CLCN4: variants seen among roughly 807,000 people sequenced by gnomAD.
The protein encoded by CLCN4 is H(+)/Cl(-) exchange transporter 4.
Under a neutral mutation model 41.7 loss-of-function variants are expected in CLCN4, and 1 was observed. The ratio of observed to expected loss-of-function variants is 0.02; its 90% CI spans 0.01 to 0.11. CLCN4 has a LOEUF of 0.11. Ranked by LOEUF, CLCN4 falls within the 10% of genes least tolerant of loss-of-function variation. The pLI, the probability that CLCN4 is intolerant of heterozygous loss-of-function variation, is 1.00. For missense variants in CLCN4, 287 were observed against 661.0 expected (o/e 0.43, Z 6.20); for synonymous variants, 277 against 285.8 (o/e 0.97, Z 0.31).
chrX:10,163,925 A>G (rs1244080981), intron 2 of CLCN4, among the ~76,000 whole-genome samples: 2 of 112,715 alleles, frequency 1.8e-5, no homozygotes. Flanking sequence ...GTCTCTAGAC[A>G]TGGCCAAATG....
chrX:10,215,577 A>G (rs1924683808), intron 11 of CLCN4, among the ~76,000 whole-genome samples: 2 of 111,935 alleles, frequency 1.8e-5, no homozygotes, highest in African/African-American at 6.5e-5. Flanking sequence ...GGTTTGTTTA[A>G]AAATACTGTA....
chrX:10,162,311 G>A (rs181491028), intron 2 of CLCN4, among the ~76,000 whole-genome samples: 15 of 111,381 alleles, frequency 1.3e-4, no homozygotes, highest in Non-Finnish European at 7.5e-5. Context: ...GAGCCACCAC[G>A]CCTGGCCGCA....
chrX:10,167,328 G>A (rs922775697), intron 2 of CLCN4, among the ~76,000 whole-genome samples: 5 of 111,715 alleles, frequency 4.5e-5, no homozygotes, highest in East Asian at 5.6e-4. Flanking sequence ...AAAGGTGCCC[G>A]CATTTTAAAA....
chrX:10,188,963 C>G (rs2053615380), intron 4 of CLCN4, among the ~76,000 whole-genome samples: 1 of 112,018 alleles, frequency 8.9e-6, no homozygotes, highest in Non-Finnish European at 1.9e-5. Flanking sequence ...CAGATGCTGT[C>G]TGTCCGTTTC....
chrX:10,206,030 T>A (rs1602156101), intron 6 of CLCN4, among the ~76,000 whole-genome samples: 1 of 111,088 alleles, frequency 9.0e-6, no homozygotes, highest in Non-Finnish European at 1.9e-5. Flanking sequence ...ACAGTTAACA[T>A]CAATAGGTAC....
chrX:10,179,277 T>C (rs1237338520), intron 2 of CLCN4, among the ~76,000 whole-genome samples: 6 of 111,411 alleles, frequency 5.4e-5, no homozygotes, highest in African/African-American at 2.0e-4. Flanking sequence ...TGCCATGTAC[T>C]GGGCTGAAGG....
At chrX:10,204,993 G>A (rs772896511) in intron 6 of CLCN4, among the ~76,000 whole-genome samples, 6 of 111,080 alleles carry the variant, frequency 5.4e-5, no homozygotes, top group South Asian at 7.6e-4. Context: ...AAAGTGTGAC[G>A]AGGCAGAGGA....
At chrX:10,169,500 AAAACAAACAAAC>A (rs751888999) in intron 2 of CLCN4, among the ~76,000 whole-genome samples, 1 of 109,619 alleles carries the variant, frequency 9.1e-6, no homozygotes, top group Non-Finnish European at 1.9e-5. Flanking sequence ...TGAATTCAGA[AAAACAAACAAAC>A]AAACAAACAA....
chrX:10,196,538 C>CTTTTTTTTTT (rs141362799), intron 5 of CLCN4, among the ~76,000 whole-genome samples: 8 of 80,897 alleles, frequency 9.9e-5, no homozygotes, highest in African/African-American at 1.5e-4. Flanking sequence ...CCCTTCCCCA[C>CTTTTTTTTTT]TTTTTTTTTT....
At position 10,194,958 on chromosome X, in the gene CLCN4, C is replaced by G; in HGVS notation, c.292C>G (p.Leu98Val). 3 of 1,211,566 alleles carry G rather than the reference C, an allele frequency of 2.5e-6. No individual in the cohort carries two copies. The highest frequency in any genetic ancestry group is 3.4e-6 in the Non-Finnish European group (3 of 895,406). Residue 98 changes from leucine to valine, a missense_variant, in exon 5 of 13, where the codon CTG (leucine) becomes GTG (valine). Physicochemically the swap from Leu to Val is conservative, Grantham distance 32. Coordinates refer to ENST00000380833, the MANE Select transcript of CLCN4 (RefSeq NM_001830.4). ...TCTCGCCGTGGACTGGATGACGGAC[C>G]TGAAGGAGGGGGTCTGCCTGTCTGC... ...IDLAVDWMTDLKEGVCLSAFW... is the reference protein window; with the variant it reads ...IDLAVDWMTDVKEGVCLSAFW...
chrX:10,186,899 C>T (rs1923828045), intron 3 of CLCN4, among the ~76,000 whole-genome samples: 1 of 111,827 alleles, frequency 8.9e-6, no homozygotes, highest in South Asian at 3.7e-4. Context: ...CCGCAAAGCC[C>T]AAAATATTTA....
chrX:10,191,692 ATTTTTTTT>A (rs760315418), intron 4 of CLCN4, among the ~76,000 whole-genome samples: 14 of 49,774 alleles, frequency 2.8e-4, no homozygotes, highest in African/African-American at 1.2e-3. Context: ...TATCTGGTTA[ATTTTTTTT>A]TTTTTTTTTT....
At chrX:10,161,866 G>T (rs985806511) in intron 2 of CLCN4, among the ~76,000 whole-genome samples, 1 of 110,800 alleles carries the variant, frequency 9.0e-6, no homozygotes, top group Non-Finnish European at 1.9e-5. Context: ...CACTGAAGCT[G>T]CCATGTCGTG....
chrX:10,191,692 ATTTTTTTTTT>A (rs760315418), intron 4 of CLCN4, among the ~76,000 whole-genome samples: 14 of 49,768 alleles, frequency 2.8e-4, no homozygotes, highest in South Asian at 3.8e-3. Flanking sequence ...TATCTGGTTA[ATTTTTTTTTT>A]TTTTTTTTTT....
intron 11 of CLCN4, 109 bp from the exon 12 acceptor site, chrX:10,220,552 C>A: frequency 3.3e-6 from 2 of 611,955 alleles, no homozygotes; most frequent in Non-Finnish European, 5.4e-6. Flanking sequence ...GGTTCATCCT[C>A]CAAACCCCTT....
intron 12 of CLCN4, among the ~76,000 whole-genome samples, chrX:10,222,584 T>C (rs1286800310): frequency 2.7e-5 from 3 of 111,213 alleles, no homozygotes; most frequent in African/African-American, 9.8e-5. Flanking sequence ...AGGGATGCTA[T>C]TGGCATCTAG....
At chrX:10,217,752 T>TG (rs1361297108) in intron 11 of CLCN4, among the ~76,000 whole-genome samples, 1 of 108,561 alleles carries the variant, frequency 9.2e-6, no homozygotes. Flanking sequence ...CCTTCATTTT[T>TG]TTTTTTTTTT....
At chrX:10,221,374 C>T (rs1242982844) in intron 12 of CLCN4, among the ~76,000 whole-genome samples, 1 of 111,741 alleles carries the variant, frequency 8.9e-6, no homozygotes, top group Non-Finnish European at 1.9e-5. Context: ...ATGGTAGTAC[C>T]GAGCCAGGTG....
At position 10,234,002 on chromosome X, in the gene CLCN4, C is replaced by T. The variant is rs1418214542; in HGVS notation, c.*418C>T. The stretch of plus-strand genomic sequence containing the variant: ...AGACAAAGGGGCATCGGCATGTCAG[C>T]GTCCTTATTTATTGGTTCTTGAAGT... On this transcript the variant is annotated 3_prime_UTR_variant, in exon 13 of 13. Transcript: ENST00000380833. 1 of 116,033 alleles carries T rather than the reference C, an allele frequency of 8.6e-6. No individual in the cohort carries two copies. Among genetic ancestry groups the T allele is most frequent in the Admixed American group, 9.3e-5 (1 of 10,801 alleles). 9.6% of individuals were successfully genotyped at this position (116,033 alleles called of 1,213,427 possible). A position where few individuals can be genotyped will look rare whatever the true frequency, so the allele number is the denominator to read the frequency against.
Sources: gnomAD v4.1 joint callset for allele counts (sites outside exome capture counted in the v4.1 genomes callset) on GRCh38, gnomAD v4.1.1 for gene constraint, MANE v1.5 for transcripts, NCBI Gene and HGNC (gene_info 2026-07-23, HGNC 2026-07-21) for gene names.